Variants in UBAP2 observed in about 807,000 individuals in gnomAD.
UBAP2 encodes the protein ubiquitin associated protein 2.
In UBAP2, 75 loss-of-function variants were observed where a neutral mutation model predicts 139.6. The ratio of observed to expected loss-of-function variants is 0.54; its 90% confidence interval spans 0.45 to 0.65. The LOEUF is 0.65. Among genes scored for constraint, UBAP2 ranks in the 30% least tolerant of loss-of-function variants. The pLI is 0.00. For synonymous variants in UBAP2, 526 were observed against 526.2 expected (o/e 1.00, Z 0.01); for missense variants, 1,368 against 1,369.6 (o/e 1.00, Z 0.02).
chr9:34,045,969 A>G lies in UBAP2; in HGVS notation c.-42+2856T>C, dbSNP rs138134520. Among the ~76,000 whole-genome samples the G allele has an allele frequency of 8.2e-3, 1,249 of 152,258 alleles. 13 individuals carry two copies. Among genetic ancestry groups the G allele is most frequent in the African/African-American group, 0.028 (1,146 of 41,550 alleles). On this transcript the variant is annotated intron_variant, in intron 1 of 28. Transcript: ENST00000379238. ...GAAAAAACGGCTGCTTCTAAAATCT[A>G]TCAGAGATCTACTAACTTACCAGTC...
At chr9:34,021,334 T>C (rs1824924059) in intron 1 of UBAP2, among the ~76,000 whole-genome samples, 1 of 152,220 alleles carries the variant, frequency 6.6e-6, no homozygotes, top group Non-Finnish European at 1.5e-5. Flanking sequence ...ATCTAGAATT[T>C]CTCACAGCCT....
At chr9:34,020,797 C>G (rs900991167) in intron 1 of UBAP2, among the ~76,000 whole-genome samples, 1 of 151,758 alleles carries the variant, frequency 6.6e-6, no homozygotes, top group Non-Finnish European at 1.5e-5. Flanking sequence ...GTAGCTGGGA[C>G]TACAGGCACC....
At chr9:34,048,075 A>G (rs2131394362) in intron 1 of UBAP2, among the ~76,000 whole-genome samples, 1 of 152,340 alleles carries the variant, frequency 6.6e-6, no homozygotes, top group Middle Eastern at 3.4e-3. Context: ...TAATTAGACT[A>G]AAAACTCAGG....
intron 10 of UBAP2, among the ~76,000 whole-genome samples, chr9:33,957,887 C>G (rs1204704210): frequency 6.7e-6 from 1 of 148,612 alleles, no homozygotes; most frequent in South Asian, 2.4e-4. Context: ...AATTGTTTAC[C>G]GGTTCAACAA....
intron 6 of UBAP2, 41 bp downstream of exon 6, chr9:33,986,719 C>T: frequency 6.4e-7 from 1 of 1,555,486 alleles, no homozygotes; most frequent in Non-Finnish European, 8.9e-7. Flanking sequence ...TGCTTCTTCC[C>T]CCTAATTGAA....
chr9:34,005,037 CG>C (rs749162885), intron 2 of UBAP2, among the ~76,000 whole-genome samples: 1 of 151,744 alleles, frequency 6.6e-6, no homozygotes, highest in South Asian at 2.1e-4. Context: ...CTGAGGCAGG[CG>C]GATCACTTGA....
At chr9:33,969,797 T>C (rs1236833211) in intron 8 of UBAP2, among the ~76,000 whole-genome samples, 2 of 150,620 alleles carry the variant, frequency 1.3e-5, no homozygotes, top group African/African-American at 4.9e-5. Context: ...ACCTGGGAGG[T>C]GGAGGTTGCA....
chr9:33,944,707 T>C (rs1414893131), intron 13 of UBAP2, 68 bp from the exon 14 acceptor site: 1 of 1,525,546 alleles, frequency 6.6e-7, no homozygotes, highest in Non-Finnish European at 8.9e-7. Flanking sequence ...GAACATGAAG[T>C]GTTCTATTAC....
At chr9:33,973,995 C>T (rs904081537) in intron 6 of UBAP2, among the ~76,000 whole-genome samples, 1 of 152,102 alleles carries the variant, frequency 6.6e-6, no homozygotes, top group Admixed American at 6.6e-5. Flanking sequence ...TGGCTTGAGC[C>T]AGGAGTTCAA....
intron 7 of UBAP2, 96 bp from the exon 8 acceptor site, chr9:33,971,850 G>A: frequency 1.4e-6 from 1 of 716,616 alleles, no homozygotes; most frequent in Non-Finnish European, 2.5e-6. Flanking sequence ...CAAGCCCAGT[G>A]CCTTCTCACA....
intron 2 of UBAP2, among the ~76,000 whole-genome samples, chr9:34,015,349 C>T (rs1202599894): frequency 3.9e-5 from 6 of 152,092 alleles, no homozygotes; most frequent in Non-Finnish European, 8.8e-5. Context: ...GACAGAGTCT[C>T]GCTCTGTTGC....
chr9:33,935,163 C>CGGGG (rs11317017), intron 17 of UBAP2, among the ~76,000 whole-genome samples: 15 of 87,934 alleles, frequency 1.7e-4, no homozygotes, highest in Non-Finnish European at 3.5e-4. Context: ...TTGGAAGTGG[C>CGGGG]GGGGGGGGGG....
At chr9:34,047,824 A>G (rs1248440680) in intron 1 of UBAP2, among the ~76,000 whole-genome samples, 1 of 152,236 alleles carries the variant, frequency 6.6e-6, no homozygotes, top group South Asian at 2.1e-4. Context: ...TAAAATTAAT[A>G]GTAATTTTTT....
intron 16 of UBAP2, among the ~76,000 whole-genome samples, chr9:33,939,047 G>A (rs1452666341): frequency 2.2e-5 from 3 of 136,196 alleles, no homozygotes; most frequent in Non-Finnish European, 4.8e-5. Flanking sequence ...ATGATGAAAA[G>A]ACAAAACATG....
In UBAP2 at chr9:33,944,467, C is replaced by CA. The variant is rs1170109370; in HGVS notation, c.1442dup (p.Leu481PhefsTer9). The CA allele has an allele frequency of 3.7e-6, 6 of 1,614,080 alleles. No homozygotes were observed. The highest frequency in any genetic ancestry group is 5.1e-6 in the Non-Finnish European group (6 of 1,180,018). Reference sequence around the variant, plus strand: ...TTTCAATGGTCGTGCTGGGAAGCTGCAAAAGCTTGTTCACAGTGGAGGGAC... The same window carrying CA: ...TTTCAATGGTCGTGCTGGGAAGCTGCAAAAAGCTTGTTCACAGTGGAGGGAC... On this transcript the variant is annotated frameshift_variant, in exon 14 of 29. Transcript: ENST00000379238. LOFTEE classifies it high-confidence loss of function.
At chr9:34,047,764 A>G (rs537044974) in intron 1 of UBAP2, among the ~76,000 whole-genome samples, 29 of 152,240 alleles carry the variant, frequency 1.9e-4, no homozygotes, top group Admixed American at 5.2e-4. Flanking sequence ...AGAATCGCTT[A>G]AACCCAGGAG....
chr9:33,944,730 C>G, intron 13 of UBAP2, 91 bp from the exon 14 acceptor site: 1 of 1,410,676 alleles, frequency 7.1e-7, no homozygotes, highest in Admixed American at 2.3e-5. Context: ...CCAATTTCTC[C>G]AAATCATTTC....
chr9:33,931,199 A>T (rs902967502), intron 19 of UBAP2, among the ~76,000 whole-genome samples: 2 of 152,200 alleles, frequency 1.3e-5, no homozygotes, highest in Admixed American at 6.5e-5. Context: ...TGGAAGGCTG[A>T]CTTTTCCTAT....
Position 33,963,639 on chromosome 9 carries a change from TTAGC to T in UBAP2, c.745+83_745+86del. On this transcript the variant is annotated intron_variant, in intron 9 of 28. Transcript: ENST00000379238. ...CAAACATTTATCTGATAAATTTTTATTAGCTAGCTTTGATAAAAAATGAAAGATA... is the reference window on the plus strand; with the variant it reads ...CAAACATTTATCTGATAAATTTTTATTAGCTTTGATAAAAAATGAAAGATA... The T allele has an allele frequency of 3.9e-6, 3 of 760,310 alleles. No homozygotes were observed. In the South Asian group the frequency reaches 5.4e-5, roughly 14 times the overall value. 47.1% of individuals were successfully genotyped at this position (760,310 alleles called of 1,614,324 possible).
Sources: gnomAD v4.1 joint callset for allele counts (sites outside exome capture counted in the v4.1 genomes callset) on GRCh38, gnomAD v4.1.1 for gene constraint, MANE v1.5 for transcripts, NCBI Gene and HGNC (gene_info 2026-07-23, HGNC 2026-07-21) for gene names.